COL13A1: variants seen among roughly 807,000 people sequenced by gnomAD.
The protein encoded by COL13A1 is collagen alpha-1(XIII) chain.
A neutral mutation model predicts 130.9 loss-of-function variants in COL13A1; 89 were observed. The ratio of observed to expected loss-of-function variants is 0.68; its 90% CI spans 0.57 to 0.81. The LOEUF is 0.81. COL13A1 is among the 30% of genes least tolerant of loss of function. The pLI is 0.00. For missense variants in COL13A1, 879 were observed against 934.6 expected (o/e 0.94, Z 0.78); for synonymous variants, 402 against 341.6 (o/e 1.18, Z -1.95).
chr10:69,896,329 G>A (rs1490507945), intron 13 of COL13A1, among the ~76,000 whole-genome samples: 3 of 152,130 alleles, frequency 2.0e-5, no homozygotes, highest in Non-Finnish European at 2.9e-5. Flanking sequence ...TCGATCTTGG[G>A]ACAGGGGAGA....
At chr10:69,915,328 G>A (rs1023193075) in intron 17 of COL13A1, among the ~76,000 whole-genome samples, 12 of 152,176 alleles carry the variant, frequency 7.9e-5, no homozygotes, top group African/African-American at 2.7e-4. Flanking sequence ...CAAGCCTTGG[G>A]CTCTAGATTT....
chr10:69,901,840 G>A (rs971830567), intron 14 of COL13A1, among the ~76,000 whole-genome samples: 4 of 152,332 alleles, frequency 2.6e-5, no homozygotes, highest in South Asian at 2.1e-4. Context: ...AGTCCATCCC[G>A]TGGACAGGCA....
At chr10:69,869,392 G>A (rs1001189426) in intron 3 of COL13A1, among the ~76,000 whole-genome samples, 2 of 152,198 alleles carry the variant, frequency 1.3e-5, no homozygotes, top group African/African-American at 4.8e-5. Context: ...GGCCAGGGCA[G>A]GAATCACCTC....
chr10:69,822,803 CATT>C (rs1444662966), intron 2 of COL13A1, among the ~76,000 whole-genome samples: 1 of 152,232 alleles, frequency 6.6e-6, no homozygotes, highest in African/African-American at 2.4e-5. Context: ...CTGTGTTCAT[CATT>C]GTGTCCCCAG....
intron 17 of COL13A1, among the ~76,000 whole-genome samples, chr10:69,908,360 GC>G (rs2063009864): frequency 6.6e-6 from 1 of 152,132 alleles, no homozygotes; most frequent in Non-Finnish European, 1.5e-5. Context: ...GTGGAAATCA[GC>G]CCCCGCAGTT....
At chr10:69,935,319 A>G (rs1054235933) in intron 31 of COL13A1, 31 bp from the exon 32 acceptor site, 3 of 1,565,774 alleles carry the variant, frequency 1.9e-6, no homozygotes, top group African/African-American at 2.7e-5. Context: ...GGGCCACTTC[A>G]AATGTAACAG....
chr10:69,839,020 T>C (rs1223582167), intron 2 of COL13A1, among the ~76,000 whole-genome samples: 2 of 152,270 alleles, frequency 1.3e-5, no homozygotes, highest in Non-Finnish European at 1.5e-5. Flanking sequence ...GACCTGACCC[T>C]GTCTCTAGAA....
At chr10:69,815,111 T>C (rs1219146063) in intron 1 of COL13A1, among the ~76,000 whole-genome samples, 1 of 152,084 alleles carries the variant, frequency 6.6e-6, no homozygotes, top group Non-Finnish European at 1.5e-5. Flanking sequence ...TTTTGTAGAT[T>C]CCCCCTGAAG....
chr10:69,930,221 A>C, intron 29 of COL13A1, 134 bp downstream of exon 29: 2 of 1,020,104 alleles, frequency 2.0e-6, no homozygotes, highest in Non-Finnish European at 2.9e-6. Context: ...GGGGGGGGGC[A>C]GGGAGAGGGG....
chr10:69,901,296 A>G (rs1234472), intron 14 of COL13A1, among the ~76,000 whole-genome samples: 151,833 of 152,350 alleles, frequency 1, 75,661 homozygotes, highest in Middle Eastern at 1. Flanking sequence ...GCAGGATAGG[A>G]CCCAGGCTCC....
intron 17 of COL13A1, among the ~76,000 whole-genome samples, chr10:69,907,208 A>G (rs989246684): frequency 6.6e-5 from 10 of 152,236 alleles, no homozygotes; most frequent in Admixed American, 6.5e-4. Flanking sequence ...TCTAGGCACT[A>G]TCTTTCAACA....
At chr10:69,926,179 G>A (rs186506900) in intron 26 of COL13A1, among the ~76,000 whole-genome samples, 11 of 152,318 alleles carry the variant, frequency 7.2e-5, no homozygotes, top group East Asian at 3.9e-4. Context: ...CACAAGTTAC[G>A]GCCCATGCAG....
chr10:69,941,271 G>T (rs1457855911), intron 35 of COL13A1, among the ~76,000 whole-genome samples: 1 of 152,158 alleles, frequency 6.6e-6, no homozygotes, highest in Non-Finnish European at 1.5e-5. Context: ...CCAGGTGTGG[G>T]GTGGGAGGCC....
chr10:69,877,753 G>C (rs962573119), intron 5 of COL13A1: 2 of 359,488 alleles, frequency 5.6e-6, no homozygotes, highest in East Asian at 6.0e-5. Context: ...ACACGTACGT[G>C]CCTCAAGAGG....
chr10:69,849,338 G>A (rs915821098), intron 2 of COL13A1, among the ~76,000 whole-genome samples: 5 of 152,074 alleles, frequency 3.3e-5, no homozygotes, highest in Admixed American at 2.0e-4. Flanking sequence ...GCAGGGGATG[G>A]GGAGCGGGGG....
chr10:69,934,083 A>G (rs986130089), intron 31 of COL13A1, among the ~76,000 whole-genome samples: 1 of 152,196 alleles, frequency 6.6e-6, no homozygotes, highest in African/African-American at 2.4e-5. Context: ...TATCAAAAGT[A>G]TATACATATA....
intron 4 of COL13A1, 107 bp from the exon 5 acceptor site, chr10:69,875,021 C>G (rs1163021530): frequency 3.1e-5 from 43 of 1,396,008 alleles, no homozygotes; most frequent in Non-Finnish European, 4.2e-5. Context: ...CCGCTGCAAA[C>G]TGGGTTAGCT....
In COL13A1 at chr10:69,875,174, C is replaced by T. The variant is rs569532861; in HGVS notation, c.435+11C>T. On this transcript the variant is annotated intron_variant, in intron 5 of 40. Transcript: ENST00000645393. ...ATGCCTGGACGTGTGGTGAGTTGGC[C>T]CGTTTGTACCTGCTCAGGTGGCCAT... 8.1e-6 allele frequency: 13 copies of T among 1,613,894 alleles called. No individual in the cohort carries two copies. In the South Asian group the frequency reaches 1.4e-4, roughly 18 times the overall value.
At chr10:69,826,056 AACAGATAT>A (rs1847409253) in intron 2 of COL13A1, among the ~76,000 whole-genome samples, 1 of 152,212 alleles carries the variant, frequency 6.6e-6, no homozygotes, top group Non-Finnish European at 1.5e-5. Flanking sequence ...TGGTCTTGGG[AACAGATAT>A]ACATACCATG....
Sources: allele counts gnomAD v4.1 joint callset (sites outside exome capture counted in the v4.1 genomes callset), GRCh38; gene constraint gnomAD v4.1.1; transcripts MANE v1.5; gene names NCBI Gene and HGNC (gene_info 2026-07-23, HGNC 2026-07-21).